IL13RA1: variants seen among roughly 807,000 people sequenced by gnomAD.
IL13RA1 encodes interleukin 13 receptor subunit alpha 1, also known as interleukin-13 receptor subunit alpha-1.
IL13RA1 carries 14 observed loss-of-function variants against 33.8 expected under a neutral mutation model. The ratio of observed to expected loss-of-function variants is 0.41; its 90% CI spans 0.27 to 0.65. The LOEUF (loss-of-function observed/expected upper bound fraction) is 0.65, where lower values mean the gene tolerates loss of function less well. Ranked by LOEUF, IL13RA1 falls within the 30% of genes least tolerant of loss-of-function variation. The probability of loss-of-function intolerance (pLI) is 0.28; values close to 1 mark genes in which losing one functional copy is unlikely to be tolerated. For synonymous variants in IL13RA1, 116 were observed against 115.7 expected (o/e 1.00, Z -0.02); for missense variants, 313 against 327.0 (o/e 0.96, Z 0.33).
intron 10 of IL13RA1, among the ~76,000 whole-genome samples, chrX:118,785,839 G>A (rs775893574): frequency 5.4e-5 from 6 of 111,266 alleles, no homozygotes; most frequent in Non-Finnish European, 1.1e-4. Context: ...CAAAGTGCTG[G>A]GATTACAAGC....
intron 8 of IL13RA1, among the ~76,000 whole-genome samples, chrX:118,768,775 C>T (rs1224880439): frequency 8.9e-6 from 1 of 111,740 alleles, no homozygotes; most frequent in Non-Finnish European, 1.9e-5. Context: ...AACAAGGATT[C>T]CCAGGAGCTA....
chrX:118,757,329 C>T (rs1001730190), intron 4 of IL13RA1, among the ~76,000 whole-genome samples: 3 of 109,961 alleles, frequency 2.7e-5, no homozygotes, highest in Admixed American at 9.7e-5. Context: ...GTCAGGAGTT[C>T]GAGACCAGCC....
At chrX:118,730,659 A>G (rs2017206578) in intron 1 of IL13RA1, among the ~76,000 whole-genome samples, 1 of 111,590 alleles carries the variant, frequency 9.0e-6, no homozygotes, top group South Asian at 3.7e-4. Flanking sequence ...GAAAAATAAC[A>G]CAGAAGGAGG....
Position 118,757,678 on chromosome X carries a change from C to CTTTTTTTTTT in IL13RA1, c.489-356_489-347dup, listed in dbSNP as rs765835021. On this transcript the variant is annotated intron_variant, in intron 4 of 10. Coordinates refer to ENST00000371666, the MANE Select transcript of IL13RA1 (RefSeq NM_001560.3). The stretch of plus-strand genomic sequence containing the variant: ...TCTCAGTCATTAAAAAGAATTCTGC[C>CTTTTTTTTTT]TTTTTTTTTTTTTTTTTTTTTTTTT... 5.1e-5 allele frequency among the ~76,000 whole-genome samples: 3 copies of CTTTTTTTTTT among 58,352 alleles called. 1 individual carries two copies. The highest frequency in any genetic ancestry group is 7.4e-5 in the African/African-American group (1 of 13,591). 50.7% of individuals were successfully genotyped at this position (58,352 alleles called of 115,157 possible). A position where few individuals can be genotyped will look rare whatever the true frequency, so the allele number is the denominator to read the frequency against.
intron 2 of IL13RA1, among the ~76,000 whole-genome samples, chrX:118,743,908 G>A (rs2017374351): frequency 8.9e-6 from 1 of 111,826 alleles, no homozygotes; most frequent in Non-Finnish European, 1.9e-5. Flanking sequence ...CACTTTGGGA[G>A]GCCGAGGCGG....
At chrX:118,795,054 G>A (rs1160888448), downstream of IL13RA1, among the ~76,000 whole-genome samples, 1 of 108,392 alleles carries the variant, frequency 9.2e-6, no homozygotes, top group East Asian at 2.9e-4. Flanking sequence ...AACCCCAGCT[G>A]TACTAAAAAT....
At chrX:118,748,166 G>A (rs2017431346) in intron 3 of IL13RA1, among the ~76,000 whole-genome samples, 1 of 101,010 alleles carries the variant, frequency 9.9e-6, no homozygotes, top group Non-Finnish European at 2.0e-5. Context: ...TTGTCCCTTG[G>A]TTGGGTAGGG....
At chrX:118,744,958 G>A (rs1379441992) in intron 2 of IL13RA1, among the ~76,000 whole-genome samples, 2 of 111,623 alleles carry the variant, frequency 1.8e-5, no homozygotes, top group African/African-American at 3.3e-5. Flanking sequence ...GATAAGGGTG[G>A]CTTCTTCAAA....
At chrX:118,775,913 G>A (rs992460708) in intron 9 of IL13RA1, among the ~76,000 whole-genome samples, 35 of 111,632 alleles carry the variant, frequency 3.1e-4, no homozygotes, top group African/African-American at 1.1e-3. Context: ...TCCTCGGCAT[G>A]TGAATGGATT....
intron 5 of IL13RA1, among the ~76,000 whole-genome samples, chrX:118,760,131 A>G (rs898758651): frequency 4.5e-4 from 51 of 112,116 alleles, no homozygotes; most frequent in African/African-American, 1.6e-3. Flanking sequence ...GTATATTCAC[A>G]TTGTTATGCA....
intron 8 of IL13RA1, among the ~76,000 whole-genome samples, chrX:118,773,114 A>C (rs919513944): frequency 8.9e-6 from 1 of 112,448 alleles, no homozygotes; most frequent in Admixed American, 9.4e-5. Flanking sequence ...ATTTTGAAAA[A>C]GAGAGTTTAC....
chrX:118,746,291 T>G (rs779108042), intron 2 of IL13RA1, among the ~76,000 whole-genome samples: 1 of 110,856 alleles, frequency 9.0e-6, no homozygotes, highest in African/African-American at 3.3e-5. Context: ...GGCCAATTTT[T>G]TTTTGTACAG....
chrX:118,755,529 T>C (rs1032714587), intron 4 of IL13RA1, among the ~76,000 whole-genome samples: 1 of 111,831 alleles, frequency 8.9e-6, no homozygotes, highest in Non-Finnish European at 1.9e-5. Flanking sequence ...TGTTTTAGGT[T>C]AATGTTTCAC....
chrX:118,730,549 C>G (rs189006004), intron 1 of IL13RA1, among the ~76,000 whole-genome samples: 12 of 111,469 alleles, frequency 1.1e-4, no homozygotes, highest in African/African-American at 3.9e-4. Flanking sequence ...CCTTTGTGGT[C>G]AAGAAGGAAC....
intron 8 of IL13RA1, among the ~76,000 whole-genome samples, chrX:118,771,048 C>T (rs999768177): frequency 8.9e-6 from 1 of 111,747 alleles, no homozygotes; most frequent in Admixed American, 9.5e-5. Context: ...TGCCTGGTGG[C>T]GGAGGGTTGA....
chrX:118,797,204 G>A (rs1013508517), downstream of IL13RA1, among the ~76,000 whole-genome samples: 1 of 112,251 alleles, frequency 8.9e-6, no homozygotes, highest in Admixed American at 9.4e-5. Context: ...AAATGAGGAG[G>A]TTGGACTAGA....
chrX:118,740,804 CATG>C (rs1462947349), intron 1 of IL13RA1, among the ~76,000 whole-genome samples: 4 of 111,880 alleles, frequency 3.6e-5, no homozygotes, highest in Non-Finnish European at 5.6e-5. Flanking sequence ...ACAACAAAAA[CATG>C]AGGCTAATAC....
chrX:118,776,559 T>G, intron 10 of IL13RA1, 48 bp downstream of exon 10: 1 of 492,376 alleles, frequency 2.0e-6, no homozygotes, highest in East Asian at 3.8e-5. Context: ...TTTTTTTTTT[T>G]TTTGGAAGCT....
At chrX:118,744,299 AT>A (rs1310831979) in intron 2 of IL13RA1, among the ~76,000 whole-genome samples, 8 of 112,005 alleles carry the variant, frequency 7.1e-5, no homozygotes. Flanking sequence ...TTAAAAAAAA[AT>A]TATTTGAAAA....
Sources: gnomAD v4.1 joint callset for allele counts (sites outside exome capture counted in the v4.1 genomes callset) on GRCh38, gnomAD v4.1.1 for gene constraint, MANE v1.5 for transcripts, NCBI Gene and HGNC (gene_info 2026-07-23, HGNC 2026-07-21) for gene names.